SLC24A2: variants seen among roughly 807,000 people sequenced by gnomAD.
SLC24A2 encodes the protein solute carrier family 24 member 2.
SLC24A2 carries 36 observed loss-of-function variants against 62.0 expected under a neutral mutation model. The observed-to-expected ratio is 0.58, with a 90% CI of 0.44 to 0.77. The LOEUF (loss-of-function observed/expected upper bound fraction) is 0.77. SLC24A2 is among the 30% of genes least tolerant of loss of function. The pLI is 0.00. For missense variants in SLC24A2, 846 were observed against 817.9 expected (o/e 1.03, Z -0.42); for synonymous variants, 358 against 294.0 (o/e 1.22, Z -2.23).
the SLC24A2 span, among the ~76,000 whole-genome samples, chr9:19,816,141 TTCTG>T: frequency 6.6e-6 from 1 of 152,084 alleles, no homozygotes; most frequent in Non-Finnish European, 1.5e-5. Context: ...ATGCTTTTCC[TTCTG>T]TCTTTCTTTC....
the SLC24A2 span, among the ~76,000 whole-genome samples, chr9:20,280,169 A>T: frequency 6.6e-6 from 1 of 152,200 alleles, no homozygotes; most frequent in African/African-American, 2.4e-5. Flanking sequence ...AAGGGAGCAA[A>T]AAAGCTGAAT....
chr9:19,766,132 T>G (rs1822507956), intron 2 of SLC24A2, among the ~76,000 whole-genome samples: 1 of 152,232 alleles, frequency 6.6e-6, no homozygotes, highest in Admixed American at 6.5e-5. Flanking sequence ...TTGTGCTGTG[T>G]TTTTCAGCTC....
At chr9:19,876,815 C>T in the SLC24A2 span, among the ~76,000 whole-genome samples, 1 of 151,868 alleles carries the variant, frequency 6.6e-6, no homozygotes, top group African/African-American at 2.4e-5. Flanking sequence ...GATTTAGAAC[C>T]ATATTTGTGG....
chr9:19,964,387 A>AAT, the SLC24A2 span, among the ~76,000 whole-genome samples: 205 of 152,014 alleles, frequency 1.3e-3, no homozygotes, highest in African/African-American at 3.0e-3. Flanking sequence ...ATAATAATAA[A>AAT]AAAAGGAGTT....
the SLC24A2 span, among the ~76,000 whole-genome samples, chr9:19,986,440 T>C: frequency 3.9e-5 from 6 of 152,176 alleles, no homozygotes; most frequent in African/African-American, 1.2e-4. Flanking sequence ...TCTAGGTATG[T>C]AATCCTAAAA....
At chr9:20,214,215 G>A in the SLC24A2 span, among the ~76,000 whole-genome samples, 2 of 152,132 alleles carry the variant, frequency 1.3e-5, no homozygotes, top group African/African-American at 4.8e-5. Flanking sequence ...TAGGAAGGTG[G>A]GGAGCTACTA....
chr9:19,689,741 A>G (rs1819988992), intron 2 of SLC24A2, among the ~76,000 whole-genome samples: 1 of 152,084 alleles, frequency 6.6e-6, no homozygotes, highest in Non-Finnish European at 1.5e-5. Context: ...TAGCATCTCA[A>G]GTGTCTTAGA....
intron 2 of SLC24A2, among the ~76,000 whole-genome samples, chr9:19,717,605 C>T (rs1820895711): frequency 6.6e-6 from 1 of 152,278 alleles, no homozygotes; most frequent in Middle Eastern, 3.4e-3. Context: ...GAAGTCTATA[C>T]AAAGCCATCT....
the SLC24A2 span, among the ~76,000 whole-genome samples, chr9:19,992,956 A>G: frequency 1.3e-5 from 2 of 152,214 alleles, no homozygotes; most frequent in Non-Finnish European, 2.9e-5. Flanking sequence ...TAGTGCCACC[A>G]TGGCTCAGTC....
In SLC24A2 at chr9:19,566,175, GGCAACCTACAGAATGGGAGAAAATTTTT is replaced by G. The variant is rs1835641428; in HGVS notation, c.1347+7148_1347+7175del. Among the ~76,000 whole-genome samples the G allele has an allele frequency of 4.6e-5, 7 of 151,792 alleles. No homozygotes were observed. The South Asian group carries it at 1.2e-3, about 27-fold the overall frequency. ...AAAGAAACTACCATCAGAGTGAACA[GGCAACCTACAGAATGGGAGAAAATTTTT>G]GCAATCTACTCATCTGACAAAGGGC... On this transcript the variant is annotated intron_variant, in intron 7 of 10. Transcript: ENST00000341998.
the SLC24A2 span, among the ~76,000 whole-genome samples, chr9:19,903,376 C>T: frequency 6.6e-6 from 1 of 152,130 alleles, no homozygotes; most frequent in South Asian, 2.1e-4. Flanking sequence ...CTTATAAGGA[C>T]ACCAATCCCA....
the SLC24A2 span, among the ~76,000 whole-genome samples, chr9:20,104,540 A>G: frequency 1.3e-5 from 2 of 152,260 alleles, no homozygotes; most frequent in Non-Finnish European, 2.9e-5. Context: ...GTGGGGGCCA[A>G]TATTCAGCAT....
chr9:20,172,992 G>A, the SLC24A2 span, among the ~76,000 whole-genome samples: 1 of 152,188 alleles, frequency 6.6e-6, no homozygotes, highest in East Asian at 1.9e-4. Flanking sequence ...CCACGATCAA[G>A]TGGGTTTCAT....
chr9:19,964,487 G>C, the SLC24A2 span, among the ~76,000 whole-genome samples: 7 of 152,220 alleles, frequency 4.6e-5, no homozygotes, highest in East Asian at 1.4e-3. Flanking sequence ...TTTGATAGAG[G>C]GCCTTCAGGA....
At chr9:19,822,294 C>T in the SLC24A2 span, among the ~76,000 whole-genome samples, 1 of 152,266 alleles carries the variant, frequency 6.6e-6, no homozygotes, top group Non-Finnish European at 1.5e-5. Flanking sequence ...GCATTTTAAA[C>T]TTGTAGACCC....
intron 2 of SLC24A2, among the ~76,000 whole-genome samples, chr9:19,735,164 G>GA (rs566405081): frequency 0.028 from 4,161 of 147,212 alleles, 196 homozygotes; most frequent in African/African-American, 0.092. Context: ...AAATTTACAG[G>GA]AAAAAAAAAA....
At chr9:20,052,894 A>G in the SLC24A2 span, among the ~76,000 whole-genome samples, 1 of 152,196 alleles carries the variant, frequency 6.6e-6, no homozygotes, top group African/African-American at 2.4e-5. Flanking sequence ...CTATGTGCGC[A>G]CTGGCATATA....
chr9:19,825,247 CTCAATTATATCTTTT>C, the SLC24A2 span, among the ~76,000 whole-genome samples: 1 of 152,094 alleles, frequency 6.6e-6, no homozygotes, highest in South Asian at 2.1e-4. Context: ...TAACCATTGT[CTCAATTATATCTTTT>C]ATAGCAATAG....
chr9:19,533,814 C>A (rs574357067), intron 8 of SLC24A2, among the ~76,000 whole-genome samples: 1 of 152,312 alleles, frequency 6.6e-6, no homozygotes, highest in African/African-American at 2.4e-5. Flanking sequence ...ATAACTGATA[C>A]AAGGTCAAAT....
Sources: allele counts gnomAD v4.1 joint callset (sites outside exome capture counted in the v4.1 genomes callset), GRCh38; gene constraint gnomAD v4.1.1; transcripts MANE v1.5; gene names NCBI Gene and HGNC (gene_info 2026-07-23, HGNC 2026-07-21).